RAD54L2: variants seen among roughly 807,000 people sequenced by gnomAD.
RAD54L2 encodes the protein helicase ARIP4.
A neutral mutation model predicts 138.4 loss-of-function variants in RAD54L2; 27 were observed. The ratio of observed to expected loss-of-function variants is 0.20; its 90% CI spans 0.14 to 0.27. RAD54L2 has a LOEUF of 0.27. Ranked by LOEUF, RAD54L2 falls within the 10% of genes least tolerant of loss-of-function variation. The pLI is 1.00. For synonymous variants in RAD54L2, 644 were observed against 723.2 expected (o/e 0.89, Z 1.76); for missense variants, 1,396 against 1,890.2 (o/e 0.74, Z 4.85).
Position 51,643,871 on chromosome 3 carries a change from C to G in RAD54L2, c.2351-4C>G, listed in dbSNP as rs768289778. ...CACTGCTTATGGTTTTCCTTCCTTC[C>G]TAGGGCTAGATGGTAGCACCCCTGC... On this transcript the variant is annotated splice_polypyrimidine_tract_variant and splice_region_variant and intron_variant, in intron 15 of 22. Coordinates refer to ENST00000684192, the MANE Select transcript of RAD54L2 (RefSeq NM_015106.4). The G allele has an allele frequency of 6.3e-7, 1 of 1,598,438 alleles. No homozygotes were observed. The highest frequency in any genetic ancestry group is 8.5e-7 in the Non-Finnish European group (1 of 1,171,354).
intron 3 of RAD54L2, among the ~76,000 whole-genome samples, chr3:51,620,027 C>T (rs528469048): frequency 6.6e-6 from 1 of 152,146 alleles, no homozygotes; most frequent in East Asian, 1.9e-4. Flanking sequence ...GACATCGTAG[C>T]TTGTAGTGTG....
rs752437857 is a variant in RAD54L2, at chr3:51,645,265, A to G, written c.2656+36A>G. ...TTCCAGACTTCGGAGAGGCACATCT[A>G]TACAGGCTACCATCCTTTTAGTATC... On this transcript the variant is annotated intron_variant, in intron 17 of 22. Transcript: ENST00000684192. The surrounding 1 kb of genome is among the most constrained non-coding windows in gnomAD (Gnocchi z 6.1). The G allele has an allele frequency of 2.6e-6, 4 of 1,545,728 alleles. No homozygotes were observed. In the South Asian group the frequency reaches 4.6e-5, roughly 18 times the overall value.
At chr3:51,542,098 G>C (rs140962425) in intron 2 of RAD54L2, among the ~76,000 whole-genome samples, 4 of 152,306 alleles carry the variant, frequency 2.6e-5, no homozygotes, top group South Asian at 2.1e-4. Context: ...GGTTTTTGGA[G>C]TCTTCCCACT....
chr3:51,650,621 G>A (rs931963761), intron 19 of RAD54L2, among the ~76,000 whole-genome samples: 1 of 152,132 alleles, frequency 6.6e-6, no homozygotes, highest in Admixed American at 6.6e-5. Context: ...TAGAACTCAG[G>A]ATTAAAAAAC....
At chr3:51,539,084 T>C (rs1698487013) in intron 1 of RAD54L2, among the ~76,000 whole-genome samples, 169 bp downstream of exon 1, 2 of 152,056 alleles carry the variant, frequency 1.3e-5, no homozygotes, top group South Asian at 4.1e-4. Context: ...CCCGGGAAAC[T>C]CCAGTGGCCG....
At position 51,569,515 on chromosome 3, in the gene RAD54L2, C is replaced by T. The variant is rs570537020; in HGVS notation, c.-54-20852C>T. On this transcript the variant is annotated intron_variant, in intron 2 of 22. Coordinates refer to ENST00000684192, the MANE Select transcript of RAD54L2 (RefSeq NM_015106.4). ...TCTTCTGCCTCAGTCTCCCAAGTAG[C>T]TGGGATTACAGGTGTCCACCACCAC... Among the ~76,000 whole-genome samples the T allele has an allele frequency of 7.2e-5, 11 of 152,150 alleles. No individual in the cohort carries two copies. In the South Asian group the frequency reaches 2.3e-3, roughly 32 times the overall value.
Position 51,656,160 on chromosome 3 carries a change from C to T in RAD54L2, c.3216C>T (p.Val1072=), listed in dbSNP as rs756801060. ...CAGGAGTCCTTGTGCAGAAGGTGGT[C>T]ACCACGACAGGTGGGAACTCCTGGG... The part of the protein sequence containing the change: ...QRAGVLVQKV[V]TTTDIVIPGL... Residue 1072 remains valine, a synonymous_variant, in exon 20 of 23, where the codon GTC becomes GTT. Coordinates refer to ENST00000684192, the MANE Select transcript of RAD54L2 (RefSeq NM_015106.4). The T allele has an allele frequency of 1.2e-6, 2 of 1,609,116 alleles. No individual in the cohort carries two copies. The highest frequency in any genetic ancestry group is 1.7e-6 in the Non-Finnish European group (2 of 1,176,134).
rs563932878 is a variant in RAD54L2 at position 51,619,893 on chromosome 3, A to G, written c.140-7660A>G. 3.9e-5 allele frequency among the ~76,000 whole-genome samples: 6 copies of G among 152,266 alleles called. No individual in the cohort carries two copies. In the South Asian group the frequency reaches 1.2e-3, roughly 32 times the overall value. ...ATATCTAGTGAATTTTGATTAAACA[A>G]TGCATATCTCTGTGCATTATGTATT... On this transcript the variant is annotated intron_variant, in intron 3 of 22. Transcript: ENST00000684192.
At chr3:51,592,551 T>C (rs1699861079) in intron 3 of RAD54L2, among the ~76,000 whole-genome samples, 1 of 152,046 alleles carries the variant, frequency 6.6e-6, no homozygotes, top group South Asian at 2.1e-4. Context: ...GTAATACTTC[T>C]GTTACTTCTG....
intron 3 of RAD54L2, among the ~76,000 whole-genome samples, chr3:51,605,631 T>A (rs1409291062): frequency 3.3e-5 from 5 of 151,892 alleles, no homozygotes; most frequent in African/African-American, 4.8e-5. Flanking sequence ...TTTGTAGTTT[T>A]AGTAGAGACA....
chr3:51,654,850 A>C (rs920266038), intron 19 of RAD54L2, among the ~76,000 whole-genome samples: 1 of 152,138 alleles, frequency 6.6e-6, no homozygotes, highest in African/African-American at 2.4e-5. Flanking sequence ...GAGTTTTTTT[A>C]ATCCACATGG....
intron 2 of RAD54L2, among the ~76,000 whole-genome samples, chr3:51,589,881 A>T (rs1391305797): frequency 6.6e-6 from 1 of 152,166 alleles, no homozygotes; most frequent in African/African-American, 2.4e-5. Context: ...AGCTATGCAG[A>T]GTCACTAAAA....
chr3:51,635,243 T>C lies in RAD54L2; in HGVS notation c.1143-350T>C, dbSNP rs142689962. ...TCCTTCTGTGACCTTGTATTTATCA[T>C]GGGATTGAAATGCTCCTTCAAATGT... On this transcript the variant is annotated intron_variant, in intron 9 of 22. Coordinates refer to ENST00000684192, the MANE Select transcript of RAD54L2 (RefSeq NM_015106.4). 2.1e-3 allele frequency among the ~76,000 whole-genome samples: 317 copies of C among 152,328 alleles called. 1 individual carries two copies. The highest frequency in any genetic ancestry group is 7.3e-3 in the African/African-American group (302 of 41,570).
chr3:51,563,025 T>C (rs919194513), intron 2 of RAD54L2, among the ~76,000 whole-genome samples: 5 of 152,212 alleles, frequency 3.3e-5, no homozygotes, highest in Admixed American at 2.0e-4. Flanking sequence ...CAATTCTTTC[T>C]TCAAAACTCT....
chr3:51,667,155 C>T lies in RAD54L2; in HGVS notation c.*3735C>T, dbSNP rs949167096. ...TTACTAGTGTTCTGGATATTACCTT[C>T]TGCTTCCCACTTCCTTTTTTTTTTT... is the stretch of plus-strand genomic sequence containing the variant. On this transcript the variant is annotated 3_prime_UTR_variant, in exon 23 of 23. Transcript: ENST00000684192. 6.6e-6 allele frequency: 1 copy of T among 151,586 alleles called. No individual in the cohort carries two copies. Among genetic ancestry groups the T allele is most frequent in the Non-Finnish European group, 1.5e-5 (1 of 68,128 alleles). The allele number at this position is 151,586 out of a possible 1,614,324, so 9.4% of individuals were successfully genotyped here.
chr3:51,581,442 A>G (rs1202194430), intron 2 of RAD54L2, among the ~76,000 whole-genome samples: 1 of 152,166 alleles, frequency 6.6e-6, no homozygotes, highest in Non-Finnish European at 1.5e-5. Context: ...GGTCTTATTT[A>G]AAAGCTTTGA....
At chr3:51,559,811 C>T (rs11719995) in intron 2 of RAD54L2, among the ~76,000 whole-genome samples, 114,747 of 152,156 alleles carry the variant, frequency 0.75, 44,256 homozygotes, top group Middle Eastern at 0.85. Context: ...AGTGGAACAC[C>T]GGTTGTCTGT....
At chr3:51,564,294 C>A (rs1295662807) in intron 2 of RAD54L2, among the ~76,000 whole-genome samples, 1 of 151,944 alleles carries the variant, frequency 6.6e-6, no homozygotes, top group African/African-American at 2.4e-5. Flanking sequence ...TTAGATGTAA[C>A]TGAAGATAGG....
At chr3:51,547,574 CTT>C (rs1224015910) in intron 2 of RAD54L2, among the ~76,000 whole-genome samples, 223 of 133,872 alleles carry the variant, frequency 1.7e-3, no homozygotes, top group African/African-American at 3.5e-3. Context: ...TTATAAAACA[CTT>C]TTTTTTTTTT....
Sources: gnomAD v4.1 joint callset for allele counts (sites outside exome capture counted in the v4.1 genomes callset) on GRCh38, gnomAD v4.1.1 for gene constraint, Gnocchi (gnomAD v3.1) non-coding constraint, MANE v1.5 for transcripts, NCBI Gene and HGNC (gene_info 2026-07-23, HGNC 2026-07-21) for gene names.